PROKR2: variants seen among roughly 807,000 people sequenced by gnomAD.
The protein encoded by PROKR2 is prokineticin receptor 2, also known as G protein-coupled receptor 73-like 1.
In PROKR2, 26 loss-of-function variants were observed where a neutral mutation model predicts 23.4. That is an observed-to-expected ratio of 1.11 (90% CI 0.81 to 1.54). PROKR2 has a LOEUF of 1.54. Among genes scored for constraint, PROKR2 ranks in the 40% most tolerant of loss-of-function variants. PROKR2 has a pLI of 0.00. For synonymous variants in PROKR2, 212 were observed against 201.2 expected (o/e 1.05, Z -0.45); for missense variants, 453 against 511.5 (o/e 0.89, Z 1.10).
chr20:5,306,616 G>A (rs1038727234), intron 2 of PROKR2, among the ~76,000 whole-genome samples: 8 of 152,206 alleles, frequency 5.3e-5, no homozygotes, highest in African/African-American at 1.7e-4. Context: ...CTCAAAAAGC[G>A]GAGCTTGTAG....
chr20:5,299,680 A>T lies in PROKR2; in HGVS notation c.*2360T>A, dbSNP rs1978918872. On this transcript the variant is annotated 3_prime_UTR_variant, in exon 3 of 3. Transcript: ENST00000678254. Reference sequence around the variant, plus strand: ...TGCTCTATCACCCAGGCTGGAGTGCAGTGGTGTGATCTCAATTCACTGCAA... The same window carrying T: ...TGCTCTATCACCCAGGCTGGAGTGCTGTGGTGTGATCTCAATTCACTGCAA... Among the ~76,000 whole-genome samples the T allele has an allele frequency of 6.6e-6, 1 of 152,116 alleles. No homozygotes were observed.
intron 2 of PROKR2, among the ~76,000 whole-genome samples, chr20:5,306,517 T>G (rs1224054644): frequency 6.6e-6 from 1 of 152,238 alleles, no homozygotes; most frequent in East Asian, 1.9e-4. Context: ...CTGTTAAGTG[T>G]TTTCATTGTT....
rs1162860438 is a variant in PROKR2, at chr20:5,302,385, G to A, written c.810C>T (p.Arg270=). Residue 270 remains arginine, a synonymous_variant, in exon 3 of 3, where the codon CGC becomes CGT. Transcript: ENST00000678254. ...ACATGAGCACCAGGACCGTCTTCCTGCGGCAGCGCAGCCGCTTGCGAATCT... is the reference window on the plus strand; with the variant it reads ...ACATGAGCACCAGGACCGTCTTCCTACGGCAGCGCAGCCGCTTGCGAATCT... ...TEQIRKRLRC[R]RKTVLVLMCI... 1 of 1,614,224 alleles carries A rather than the reference G, an allele frequency of 6.2e-7. No individual in the cohort carries two copies. Among genetic ancestry groups the A allele is most frequent in the South Asian group, 1.1e-5 (1 of 91,082 alleles).
Position 5,301,991 on chromosome 20 carries a change from G to A in PROKR2, c.*49C>T, listed in dbSNP as rs769694968. On this transcript the variant is annotated 3_prime_UTR_variant, in exon 3 of 3. Transcript: ENST00000678254. Reference sequence around the variant, plus strand: ...CCTATGAACTTGGTTGATGGTGGGTGATGCTCTGAGTACTGGACTGGGGTT... The same window carrying A: ...CCTATGAACTTGGTTGATGGTGGGTAATGCTCTGAGTACTGGACTGGGGTT... 8.5e-6 allele frequency: 13 copies of A among 1,527,202 alleles called. No homozygotes were observed. Among genetic ancestry groups the A allele is most frequent in the Middle Eastern group, 1.7e-4 (1 of 5,896 alleles). The allele number at this position is 1,527,202 out of a possible 1,614,324, so 94.6% of individuals were successfully genotyped here. A position where few individuals can be genotyped will look rare whatever the true frequency, so the allele number is the denominator to read the frequency against.
rs6076809 is a variant in PROKR2, at chr20:5,314,417, G to A, written c.-8-40C>T. 59,536 of 1,514,600 alleles carry A rather than the reference G, an allele frequency of 0.039. 1,441 individuals are homozygous for A. Among genetic ancestry groups the A allele is most frequent in the African/African-American group, 0.059 (4,300 of 72,960 alleles). 93.8% of individuals were successfully genotyped at this position (1,514,600 alleles called of 1,614,324 possible). On this transcript the variant is annotated intron_variant, in intron 1 of 2. Coordinates refer to ENST00000678254, the MANE Select transcript of PROKR2 (RefSeq NM_144773.4). Reference sequence around the variant, plus strand: ...GTGTGAGGGAGGTGCGAGGGGTGAGGGTCCAGACCTTCTGCTCTTTCAGGG... The same window carrying A: ...GTGTGAGGGAGGTGCGAGGGGTGAGAGTCCAGACCTTCTGCTCTTTCAGGG...
Position 5,311,983 on chromosome 20 carries a change from C to T in PROKR2, c.458+1929G>A, listed in dbSNP as rs565754991. The stretch of plus-strand genomic sequence containing the variant: ...CATTAGTTCTGTCCCTCTAGAGAAC[C>T]CTGACTAATATACTCTCACTTTAGT... On this transcript the variant is annotated intron_variant, in intron 2 of 2. Coordinates refer to ENST00000678254, the MANE Select transcript of PROKR2 (RefSeq NM_144773.4). 3.5e-3 allele frequency among the ~76,000 whole-genome samples: 528 copies of T among 152,198 alleles called. 5 individuals are homozygous for T. Among genetic ancestry groups the T allele is most frequent in the African/African-American group, 0.012 (497 of 41,518 alleles).
At chr20:5,307,301 T>C (rs1979255899) in intron 2 of PROKR2, among the ~76,000 whole-genome samples, 2 of 152,218 alleles carry the variant, frequency 1.3e-5, no homozygotes, top group African/African-American at 4.8e-5. Context: ...ACCATTGCCA[T>C]GAGTATTCCT....
chr20:5,310,754 G>A (rs915193699), intron 2 of PROKR2, among the ~76,000 whole-genome samples: 3 of 152,204 alleles, frequency 2.0e-5, no homozygotes, highest in Admixed American at 6.5e-5. Context: ...CACAGTGAAA[G>A]CTTGCTTAAT....
chr20:5,309,554 G>T (rs1979354955), intron 2 of PROKR2, among the ~76,000 whole-genome samples: 1 of 152,168 alleles, frequency 6.6e-6, no homozygotes, highest in African/African-American at 2.4e-5. Context: ...GGTCCACCCA[G>T]ATAATCCAGT....
intron 2 of PROKR2, among the ~76,000 whole-genome samples, chr20:5,309,457 G>A (rs1346303712): frequency 6.6e-6 from 1 of 152,194 alleles, no homozygotes; most frequent in Non-Finnish European, 1.5e-5. Context: ...AAGCCAGCAA[G>A]GGTCAATCGA....
intron 2 of PROKR2, among the ~76,000 whole-genome samples, chr20:5,310,326 C>A (rs916381832): frequency 2.6e-4 from 39 of 152,080 alleles, no homozygotes; most frequent in Middle Eastern, 3.2e-3. Context: ...TCTGGATGGA[C>A]CTGGCTGTGG....
At chr20:5,307,988 G>A (rs1223404556) in intron 2 of PROKR2, among the ~76,000 whole-genome samples, 3 of 152,208 alleles carry the variant, frequency 2.0e-5, no homozygotes, top group Non-Finnish European at 4.4e-5. Flanking sequence ...CTGCAGACAG[G>A]TTAGCAGCTA....
rs1978987628 is a variant in PROKR2 at position 5,301,542 on chromosome 20, G to T, written c.*498C>A. Among the ~76,000 whole-genome samples the T allele has an allele frequency of 6.6e-6, 1 of 152,182 alleles. No homozygotes were observed. Among genetic ancestry groups the T allele is most frequent in the African/African-American group, 2.4e-5 (1 of 41,448 alleles). ...CATCATGCCTGGCCTATAGCCTTTT[G>T]ATATTCCTGCACTGGTAAGATACAG... On this transcript the variant is annotated 3_prime_UTR_variant, in exon 3 of 3. Coordinates refer to ENST00000678254, the MANE Select transcript of PROKR2 (RefSeq NM_144773.4).
In PROKR2 at chr20:5,300,528, C is replaced by A. The variant is rs1053799107; in HGVS notation, c.*1512G>T. Among the ~76,000 whole-genome samples, 1 of 152,194 alleles carries A rather than the reference C, an allele frequency of 6.6e-6. No homozygotes were observed. Among genetic ancestry groups the A allele is most frequent in the Non-Finnish European group, 1.5e-5 (1 of 68,028 alleles). On this transcript the variant is annotated 3_prime_UTR_variant, in exon 3 of 3. Coordinates refer to ENST00000678254, the MANE Select transcript of PROKR2 (RefSeq NM_144773.4). ...TTCAATATCACTTCTCCATTCTTAT[C>A]GTGTGCACAGTTGAAAAGCACATTC...
intron 2 of PROKR2, among the ~76,000 whole-genome samples, chr20:5,309,109 T>C (rs1008057353): frequency 1.3e-5 from 2 of 152,206 alleles, no homozygotes; most frequent in Non-Finnish European, 2.9e-5. Flanking sequence ...GCCTGCATGG[T>C]ACAAGGCTCA....
rs146544539 is a variant in PROKR2 at position 5,302,386 on chromosome 20, C to T, written c.809G>A (p.Arg270His). The T allele has an allele frequency of 6.3e-5, 101 of 1,614,210 alleles. No individual in the cohort carries two copies. The highest frequency in any genetic ancestry group is 4.4e-4 in the South Asian group (40 of 91,082). Residue 270 changes from arginine to histidine, a missense_variant, in exon 3 of 3, where the codon CGC (arginine) becomes CAC (histidine). Arg to His is a conservative substitution (Grantham distance 29, BLOSUM62 0). Coordinates refer to ENST00000678254, the MANE Select transcript of PROKR2 (RefSeq NM_144773.4). The part of the protein sequence containing the change: ...TEQIRKRLRC[R>H]RKTVLVLMCI... ...CATGAGCACCAGGACCGTCTTCCTG[C>T]GGCAGCGCAGCCGCTTGCGAATCTG...
intron 2 of PROKR2, among the ~76,000 whole-genome samples, chr20:5,304,346 G>A (rs1157894733): frequency 6.6e-6 from 1 of 152,206 alleles, no homozygotes; most frequent in Non-Finnish European, 1.5e-5. Context: ...CTATAAATCA[G>A]TATGGACCAG....
In PROKR2 at chr20:5,316,660, G is replaced by A. The variant is rs371226999; in HGVS notation, c.-175C>T. 6.6e-4 allele frequency among the ~76,000 whole-genome samples: 100 copies of A among 152,326 alleles called. 1 individual carries two copies. The highest frequency in any genetic ancestry group is 2.3e-3 in the African/African-American group (94 of 41,584). On this transcript the variant is annotated 5_prime_UTR_variant, in exon 1 of 3. Coordinates refer to ENST00000678254, the MANE Select transcript of PROKR2 (RefSeq NM_144773.4). The surrounding 1 kb of genome is among the most constrained non-coding windows in gnomAD (Gnocchi z 5.0). ...GTCCCTCTTTTTTCCTCGCCCCGGCGGGCTCCTCCGGCGTGTCAGGGTCTC... is the reference window on the plus strand; with the variant it reads ...GTCCCTCTTTTTTCCTCGCCCCGGCAGGCTCCTCCGGCGTGTCAGGGTCTC...
At chr20:5,310,277 G>T (rs1438363406) in intron 2 of PROKR2, among the ~76,000 whole-genome samples, 1 of 152,054 alleles carries the variant, frequency 6.6e-6, no homozygotes, top group Non-Finnish European at 1.5e-5. Flanking sequence ...TCCTTCTAGG[G>T]TCTCTATGAC....
Sources: gnomAD v4.1 joint callset for allele counts (sites outside exome capture counted in the v4.1 genomes callset) on GRCh38, gnomAD v4.1.1 for gene constraint, Gnocchi (gnomAD v3.1) non-coding constraint, MANE v1.5 for transcripts, NCBI Gene and HGNC (gene_info 2026-07-23, HGNC 2026-07-21) for gene names.